The following TUBGCP3 variants were observed in gnomAD, a reference collection of about 807,000 sequenced individuals.
TUBGCP3 encodes the protein tubulin gamma complex component 3.
Under a neutral mutation model 123.1 loss-of-function variants are expected in TUBGCP3, and 50 were observed. The ratio of observed to expected loss-of-function variants is 0.41; its 90% confidence interval spans 0.32 to 0.51. TUBGCP3 has a LOEUF of 0.51. Among genes scored for constraint, TUBGCP3 ranks in the 20% least tolerant of loss-of-function variants. The pLI is 0.36. For synonymous variants in TUBGCP3, 405 were observed against 413.9 expected (o/e 0.98, Z 0.26); for missense variants, 882 against 1,127.0 (o/e 0.78, Z 3.11).
intron 3 of TUBGCP3, among the ~76,000 whole-genome samples, chr13:112,559,653 T>A (rs546050666): frequency 8.5e-5 from 13 of 152,354 alleles, no homozygotes; most frequent in Non-Finnish European, 1.9e-4. Context: ...AGAAGAAAAG[T>A]TTTTTTAAGT....
At chr13:112,580,526 A>C (rs1390971967) in intron 1 of TUBGCP3, among the ~76,000 whole-genome samples, 1 of 152,192 alleles carries the variant, frequency 6.6e-6, no homozygotes, top group Non-Finnish European at 1.5e-5. Flanking sequence ...AAAAAAAGGA[A>C]AAGTCCTCAG....
At chr13:112,567,162 G>A (rs1881015130) in intron 2 of TUBGCP3, among the ~76,000 whole-genome samples, 1 of 152,200 alleles carries the variant, frequency 6.6e-6, no homozygotes, top group African/African-American at 2.4e-5. Context: ...CACCCCAGAG[G>A]CACCTGAGTC....
intron 8 of TUBGCP3, 31 bp from the exon 9 acceptor site, chr13:112,548,207 G>T: frequency 6.5e-7 from 1 of 1,547,822 alleles, no homozygotes; most frequent in Non-Finnish European, 8.9e-7. Context: ...ATTAAAGCAC[G>T]ACACACTCAT....
chr13:112,579,467 G>A (rs774567855), intron 1 of TUBGCP3, among the ~76,000 whole-genome samples: 11 of 151,296 alleles, frequency 7.3e-5, no homozygotes, highest in Admixed American at 4.6e-4. Flanking sequence ...CTGAGTGCCC[G>A]CGGGGCCACG....
intron 11 of TUBGCP3, among the ~76,000 whole-genome samples, chr13:112,540,468 C>T (rs1245041628): frequency 9.2e-6 from 1 of 109,170 alleles, no homozygotes; most frequent in African/African-American, 5.3e-5. Context: ...ATGTAGTAGC[C>T]CTATGAGCAT....
upstream of TUBGCP3, among the ~76,000 whole-genome samples, chr13:112,588,746 ACACATGGGTG>A (rs777232563): frequency 1.3e-5 from 2 of 152,230 alleles, no homozygotes; most frequent in Non-Finnish European, 2.9e-5. Context: ...GTTAAAGCTT[ACACATGGGTG>A]CACGCTTGGG....
intron 20 of TUBGCP3, among the ~76,000 whole-genome samples, chr13:112,496,686 G>C (rs1880547012): frequency 6.6e-6 from 1 of 152,102 alleles, no homozygotes; most frequent in Non-Finnish European, 1.5e-5. Context: ...ATTAGCACAG[G>C]CTTAAAATCC....
In TUBGCP3 at chr13:112,508,701, T is replaced by A. The variant is rs955598012; in HGVS notation, c.2087-3987A>T. On this transcript the variant is annotated intron_variant, in intron 17 of 21. Transcript: ENST00000261965. This position sits in a 1 kb window ranked among gnomAD's most constrained non-coding sequence, Gnocchi z 4.2. ...CTAAAAAATACTCAAATTAGCGTAT[T>A]TGAATGGAATCACTATCCCCCCCAA... 3.9e-5 allele frequency among the ~76,000 whole-genome samples: 6 copies of A among 152,110 alleles called. No homozygotes were observed. Among genetic ancestry groups the A allele is most frequent in the Admixed American group, 3.3e-4 (5 of 15,274 alleles).
chr13:112,516,670 A>G, intron 16 of TUBGCP3, 95 bp from the exon 17 acceptor site: 1 of 1,388,664 alleles, frequency 7.2e-7, no homozygotes, highest in East Asian at 2.4e-5. Flanking sequence ...ACATTTTAGC[A>G]AACTATCATA....
chr13:112,541,222 C>T (rs536035637), intron 11 of TUBGCP3, among the ~76,000 whole-genome samples: 4 of 152,252 alleles, frequency 2.6e-5, no homozygotes, highest in South Asian at 2.1e-4. Flanking sequence ...AAAGAACTCG[C>T]GGTACCTTTA....
rs1464578347 is a variant in TUBGCP3, at chr13:112,524,426, C to T, written c.1556-1917G>A. ...CCTTCATGGAGAGCCTCCGGCACAG[C>T]AGGCGCATGGGGACGCCCTGTCCCA... On this transcript the variant is annotated intron_variant, in intron 13 of 21. Coordinates refer to ENST00000261965, the MANE Select transcript of TUBGCP3 (RefSeq NM_006322.6). This position sits in a 1 kb window ranked among gnomAD's most constrained non-coding sequence, Gnocchi z 4.4. Among the ~76,000 whole-genome samples the T allele has an allele frequency of 4.6e-5, 7 of 152,238 alleles. No homozygotes were observed. The East Asian group carries it at 1.3e-3, about 29-fold the overall frequency.
intron 20 of TUBGCP3, among the ~76,000 whole-genome samples, chr13:112,494,910 T>A (rs1203941397): frequency 6.6e-6 from 1 of 152,240 alleles, no homozygotes. Context: ...CTTTCTTAAC[T>A]GAATTACTAG....
upstream of TUBGCP3, among the ~76,000 whole-genome samples, chr13:112,588,450 G>A (rs894196121): frequency 1.3e-5 from 2 of 152,196 alleles, no homozygotes; most frequent in Non-Finnish European, 2.9e-5. Flanking sequence ...TCACACTTCT[G>A]ATGAAAGAAG....
chr13:112,519,787 G>C lies in TUBGCP3; in HGVS notation c.1881+99C>G, dbSNP rs1172912970. 1 of 1,444,218 alleles carries C rather than the reference G, an allele frequency of 6.9e-7. No homozygotes were observed. The highest frequency in any genetic ancestry group is 9.2e-7 in the Non-Finnish European group (1 of 1,092,710). 89.5% of individuals were successfully genotyped at this position (1,444,218 alleles called of 1,614,324 possible). ...CCAGTTTCCAGAAAGATAACGGCTA[G>C]CTGTGCCTGAAACAACATGGAAAAC... On this transcript the variant is annotated intron_variant, in intron 15 of 21. Coordinates refer to ENST00000261965, the MANE Select transcript of TUBGCP3 (RefSeq NM_006322.6). This position sits in a 1 kb window ranked among gnomAD's most constrained non-coding sequence, Gnocchi z 6.2.
At chr13:112,598,307 C>A in the TUBGCP3 span, among the ~76,000 whole-genome samples, 1 of 150,690 alleles carries the variant, frequency 6.6e-6, no homozygotes, top group Non-Finnish European at 1.5e-5. Context: ...CACTAAAGAC[C>A]ATTTCCTTCA....
rs1474253309 is a variant in TUBGCP3, at chr13:112,500,197, T to C, written c.2308-1012A>G. Among the ~76,000 whole-genome samples, 5 of 152,180 alleles carry C rather than the reference T, an allele frequency of 3.3e-5. No homozygotes were observed. The South Asian group carries it at 6.2e-4, about 19-fold the overall frequency. On this transcript the variant is annotated intron_variant, in intron 19 of 21. Transcript: ENST00000261965. ...AGGGCTGAGCGGGGGTTAATTTCAATAGTGCAGAAGAAAATTGTGATAAAA... is the reference window on the plus strand; with the variant it reads ...AGGGCTGAGCGGGGGTTAATTTCAACAGTGCAGAAGAAAATTGTGATAAAA...
intron 19 of TUBGCP3, among the ~76,000 whole-genome samples, chr13:112,502,089 C>T (rs951116229): frequency 2.0e-5 from 3 of 152,294 alleles, no homozygotes; most frequent in African/African-American, 7.2e-5. Context: ...TGACTGTAAA[C>T]ACCTCTGTAA....
At chr13:112,512,312 C>A (rs1002955002) in intron 17 of TUBGCP3, among the ~76,000 whole-genome samples, 5 of 151,658 alleles carry the variant, frequency 3.3e-5, no homozygotes, top group South Asian at 2.1e-4. Flanking sequence ...CCTGTAATCC[C>A]AGCTACTCAG....
chr13:112,577,115 G>C (rs1435609066), intron 1 of TUBGCP3, among the ~76,000 whole-genome samples: 10 of 152,042 alleles, frequency 6.6e-5, no homozygotes, highest in African/African-American at 2.4e-4. Flanking sequence ...AAGATAATAA[G>C]GGCTAAGTAA....
Sources: allele counts gnomAD v4.1 joint callset (sites outside exome capture counted in the v4.1 genomes callset), GRCh38; gene constraint gnomAD v4.1.1; non-coding constraint Gnocchi (gnomAD v3.1); transcripts MANE v1.5; gene names NCBI Gene and HGNC (gene_info 2026-07-23, HGNC 2026-07-21).